Variants in ARMC7 observed in about 807,000 individuals in gnomAD.
ARMC7 encodes armadillo repeat-containing protein 7.
In ARMC7, 9 loss-of-function variants were observed where a neutral mutation model predicts 14.8. The ratio of observed to expected loss-of-function variants is 0.61; its 90% CI spans 0.37 to 1.06. The LOEUF (loss-of-function observed/expected upper bound fraction) is 1.06. Among genes scored for constraint, ARMC7 ranks in the 50% least tolerant of loss-of-function variants. The probability of loss-of-function intolerance (pLI) is 0.01; values close to 1 mark genes in which losing one functional copy is unlikely to be tolerated. For missense variants in ARMC7, 262 were observed against 267.1 expected, an observed-to-expected ratio of 0.98 and a Z score of 0.13; for synonymous variants, 125 against 123.4, an observed-to-expected ratio of 1.01 and a Z score of -0.09.
chr17:75,114,253 C>G (rs1199803198), intron 2 of ARMC7: 1 of 401,110 alleles, frequency 2.5e-6, no homozygotes, highest in African/African-American at 2.1e-5. Flanking sequence ...TCCTCCAAAT[C>G]AAGCTGCTGC....
At chr17:75,127,059 CA>C (rs561709280) in intron 2 of ARMC7, among the ~76,000 whole-genome samples, 85,050 of 102,486 alleles carry the variant, frequency 0.83, 34,979 homozygotes, top group East Asian at 0.91. Context: ...AAAACTGTCT[CA>C]AAAAAAAAAA....
intron 2 of ARMC7, among the ~76,000 whole-genome samples, chr17:75,125,073 TCTG>T: frequency 6.6e-6 from 1 of 152,318 alleles, no homozygotes; most frequent in Admixed American, 6.5e-5. Context: ...CTGCTTGCCC[TCTG>T]CTGCTGCTAC....
chr17:75,126,359 G>C (rs942345534), intron 2 of ARMC7, among the ~76,000 whole-genome samples: 1 of 152,168 alleles, frequency 6.6e-6, no homozygotes, highest in Non-Finnish European at 1.5e-5. Context: ...CTGAGCACGT[G>C]AGTTCTTTGA....
Position 75,114,625 on chromosome 17 carries a change from T to C in ARMC7, c.235+4019T>C, listed in dbSNP as rs1021073797. ...GAGCAGAAGTGTGTCTGTGCATCTG[T>C]GTCTCTGTGCAGGTATTTTAGAATT... On this transcript the variant is annotated intron_variant, in intron 2 of 2. Transcript: ENST00000245543. 1.2e-4 allele frequency: 49 copies of C among 396,588 alleles called. 1 individual carries two copies. Among genetic ancestry groups the C allele is most frequent in the Admixed American group, 1.1e-3 (26 of 22,624 alleles). The allele number at this position is 396,588 out of a possible 1,614,324, so 24.6% of individuals were successfully genotyped here. A position where few individuals can be genotyped will look rare whatever the true frequency, so the allele number is the denominator to read the frequency against.
intron 2 of ARMC7, among the ~76,000 whole-genome samples, chr17:75,111,077 A>G (rs2145113029): frequency 6.6e-6 from 1 of 151,974 alleles, no homozygotes. Context: ...GTGAGCTGAG[A>G]TTGTGCTACT....
chr17:75,114,340 C>A (rs1456444669), intron 2 of ARMC7: 1 of 398,990 alleles, frequency 2.5e-6, no homozygotes, highest in Non-Finnish European at 4.4e-6. Context: ...TTCCTGCTGG[C>A]GTTTCCTCAG....
At chr17:75,123,935 T>A (rs1010199772) in intron 2 of ARMC7, among the ~76,000 whole-genome samples, 32 of 152,056 alleles carry the variant, frequency 2.1e-4, no homozygotes, top group African/African-American at 7.5e-4. Context: ...CTGTATACTG[T>A]TTCATCATAT....
chr17:75,121,586 G>C (rs982619381), intron 2 of ARMC7, among the ~76,000 whole-genome samples: 1 of 152,122 alleles, frequency 6.6e-6, no homozygotes, highest in Non-Finnish European at 1.5e-5. Context: ...GCTAATTTTT[G>C]TATTTTTAGT....
At chr17:75,111,966 A>T (rs898655094) in intron 2 of ARMC7, among the ~76,000 whole-genome samples, 2 of 151,454 alleles carry the variant, frequency 1.3e-5, no homozygotes, top group Non-Finnish European at 2.9e-5. Context: ...CTTACATTCT[A>T]GTAGGGGGGA....
chr17:75,119,672 G>T (rs1268083007), intron 2 of ARMC7, among the ~76,000 whole-genome samples: 1 of 151,388 alleles, frequency 6.6e-6, no homozygotes, highest in African/African-American at 2.4e-5. Flanking sequence ...GTGTTAGCCA[G>T]GATGGTCTCG....
At chr17:75,124,252 TC>T (rs1214907316) in intron 2 of ARMC7, among the ~76,000 whole-genome samples, 1 of 152,164 alleles carries the variant, frequency 6.6e-6, no homozygotes, top group African/African-American at 2.4e-5. Flanking sequence ...CTTCAGGAGT[TC>T]CCTGCCACTG....
intron 2 of ARMC7, 51 bp from the exon 3 acceptor site, chr17:75,128,626 G>T: frequency 6.4e-7 from 1 of 1,563,094 alleles, no homozygotes. Context: ...CAGGGGAGGT[G>T]GGAGGAGGCC....
At position 75,128,932 on chromosome 17, in the gene ARMC7, T is replaced by C. The variant is rs2074076623; in HGVS notation, c.491T>C (p.Leu164Pro). The change falls in exon 3 of 3, where the codon CTG becomes CCG. Residue 164 changes from leucine (L) to proline (P), a missense_variant. Coordinates refer to ENST00000245543, the MANE Select transcript of ARMC7 (RefSeq NM_024585.4). ...ARLRNLAQIF[L>P]EDFCSPRQVA... Reference sequence around the variant, plus strand: ...CTCCGGAACCTGGCACAGATCTTCCTGGAGGACTTCTGCTCCCCCCGCCAG... The same window carrying C: ...CTCCGGAACCTGGCACAGATCTTCCCGGAGGACTTCTGCTCCCCCCGCCAG... 2 of 1,608,034 alleles carry C rather than the reference T, an allele frequency of 1.2e-6. No individual in the cohort carries two copies. Among genetic ancestry groups the C allele is most frequent in the East Asian group, 4.5e-5 (2 of 44,856 alleles).
intron 2 of ARMC7, among the ~76,000 whole-genome samples, chr17:75,119,931 G>A (rs747233912): frequency 6.6e-6 from 1 of 151,922 alleles, no homozygotes; most frequent in Non-Finnish European, 1.5e-5. Flanking sequence ...TTGAGATGGA[G>A]TCTCGCCCTG....
intron 2 of ARMC7, among the ~76,000 whole-genome samples, chr17:75,115,687 T>C (rs1336064578): frequency 1.3e-5 from 2 of 152,134 alleles, no homozygotes; most frequent in African/African-American, 4.8e-5. Context: ...AGCAAAACCC[T>C]GTCCCTACAA....
intron 2 of ARMC7, among the ~76,000 whole-genome samples, chr17:75,122,010 C>T (rs1357142209): frequency 6.6e-6 from 1 of 152,048 alleles, no homozygotes; most frequent in African/African-American, 2.4e-5. Flanking sequence ...GAGTTATTCT[C>T]CTATCTCAGT....
chr17:75,120,480 C>G (rs924028689), intron 2 of ARMC7, among the ~76,000 whole-genome samples: 2 of 152,044 alleles, frequency 1.3e-5, no homozygotes, highest in Non-Finnish European at 2.9e-5. Flanking sequence ...ATCAGGAAGT[C>G]GGAACTTGTT....
intron 2 of ARMC7, among the ~76,000 whole-genome samples, chr17:75,118,122 CAA>C (rs572926779): frequency 6.2e-5 from 7 of 112,728 alleles, no homozygotes; most frequent in Admixed American, 9.3e-5. Context: ...AAGACTGTCT[CAA>C]AAAAAAAAAA....
At position 75,129,093 on chromosome 17, in the gene ARMC7, T is replaced by C. The variant is rs540237353; in HGVS notation, c.*55T>C. The C allele has an allele frequency of 2.6e-6, 4 of 1,538,588 alleles. No homozygotes were observed. In the East Asian group the frequency reaches 9.0e-5, roughly 35 times the overall value. On this transcript the variant is annotated 3_prime_UTR_variant, in exon 3 of 3. Transcript: ENST00000245543. ...CTACTGCTGGAGACCACAGTCCTGA[T>C]GTGGACGCAGGGAACGGGGAGCACA...
Sources: gnomAD v4.1 joint callset for allele counts (sites outside exome capture counted in the v4.1 genomes callset) on GRCh38, gnomAD v4.1.1 for gene constraint, MANE v1.5 for transcripts, NCBI Gene and HGNC (gene_info 2026-07-23, HGNC 2026-07-21) for gene names.